The following ASTN2 variants were observed in gnomAD, a reference collection of about 807,000 sequenced individuals.
ASTN2 encodes the protein astrotactin-2.
A neutral mutation model predicts 139.8 loss-of-function variants in ASTN2; 54 were observed. The ratio of observed to expected loss-of-function variants is 0.39; its 90% CI spans 0.31 to 0.48. The LOEUF is 0.48. ASTN2 is among the 20% of genes least tolerant of loss of function. The pLI is 0.95. For missense variants in ASTN2, 1,565 were observed against 1,725.1 expected (o/e 0.91, Z 1.64); for synonymous variants, 756 against 719.5 (o/e 1.05, Z -0.81).
intron 10 of ASTN2, among the ~76,000 whole-genome samples, chr9:116,922,982 T>C (rs1402011059): frequency 6.6e-6 from 1 of 152,194 alleles, no homozygotes; most frequent in Non-Finnish European, 1.5e-5. Context: ...GTGCAGAACC[T>C]TCCACAGGCA....
chr9:116,759,321 G>A (rs1359751853), intron 13 of ASTN2, among the ~76,000 whole-genome samples: 1 of 152,152 alleles, frequency 6.6e-6, no homozygotes, highest in Non-Finnish European at 1.5e-5. Context: ...TAGAGTAAAA[G>A]CAAATAATTT....
At chr9:116,717,290 G>A (rs1031793419) in intron 16 of ASTN2, among the ~76,000 whole-genome samples, 3 of 67,988 alleles carry the variant, frequency 4.4e-5, no homozygotes, top group African/African-American at 2.0e-4. Context: ...CTAAACCGGG[G>A]AACAAATGCT....
chr9:117,386,085 T>C (rs1191328253), intron 1 of ASTN2, among the ~76,000 whole-genome samples: 1 of 152,078 alleles, frequency 6.6e-6, no homozygotes, highest in Non-Finnish European at 1.5e-5. Context: ...TAAGGTTACC[T>C]TCTTAACTGC....
At chr9:117,189,983 C>A (rs1250105490) in intron 3 of ASTN2, among the ~76,000 whole-genome samples, 1 of 152,218 alleles carries the variant, frequency 6.6e-6, no homozygotes, top group Non-Finnish European at 1.5e-5. Context: ...TTCCTGTATA[C>A]TCTGGGTTCC....
At chr9:116,686,548 T>C in intron 16 of ASTN2, 1 of 758,390 alleles carries the variant, frequency 1.3e-6, no homozygotes, top group Non-Finnish European at 2.2e-6. Flanking sequence ...CTGCAGGTCG[T>C]GGCCAGCCAG....
At chr9:117,181,728 T>G (rs990232797) in intron 3 of ASTN2, among the ~76,000 whole-genome samples, 1 of 152,150 alleles carries the variant, frequency 6.6e-6, no homozygotes, top group African/African-American at 2.4e-5. Flanking sequence ...GTGTATTAAA[T>G]AAAGAAATCC....
At chr9:117,209,295 T>G (rs900652648) in intron 3 of ASTN2, among the ~76,000 whole-genome samples, 61 of 152,054 alleles carry the variant, frequency 4.0e-4, no homozygotes, top group African/African-American at 1.4e-3. Context: ...AACTATATAC[T>G]GCCTATTAGG....
chr9:117,227,772 G>C (rs1352583213), intron 2 of ASTN2, among the ~76,000 whole-genome samples: 3 of 152,160 alleles, frequency 2.0e-5, no homozygotes, highest in Non-Finnish European at 4.4e-5. Flanking sequence ...AAGAGGAAGA[G>C]GTGGTCTGAA....
intron 5 of ASTN2, among the ~76,000 whole-genome samples, chr9:117,079,192 C>T (rs1828358737): frequency 6.6e-6 from 1 of 152,116 alleles, no homozygotes; most frequent in East Asian, 1.9e-4. Flanking sequence ...CCTGCCTCTA[C>T]AAATAATTAA....
At chr9:116,822,549 G>A (rs1048462326) in intron 11 of ASTN2, among the ~76,000 whole-genome samples, 1 of 152,080 alleles carries the variant, frequency 6.6e-6, no homozygotes, top group African/African-American at 2.4e-5. Flanking sequence ...TTGCAGACTC[G>A]CGGAGCATGT....
intron 1 of ASTN2, among the ~76,000 whole-genome samples, chr9:117,323,288 C>T (rs893736339): frequency 1.4e-4 from 22 of 152,106 alleles, no homozygotes; most frequent in Non-Finnish European, 3.1e-4. Flanking sequence ...CTCTGACCCC[C>T]CAAAGCCTCA....
chr9:116,896,430 A>T (rs1352622366), intron 10 of ASTN2, among the ~76,000 whole-genome samples: 2 of 152,080 alleles, frequency 1.3e-5, no homozygotes, highest in Non-Finnish European at 2.9e-5. Context: ...CCCAGGTTCA[A>T]GCAATCCTCC....
intron 16 of ASTN2, among the ~76,000 whole-genome samples, chr9:116,704,562 T>C (rs1269023791): frequency 2.0e-5 from 3 of 152,240 alleles, no homozygotes; most frequent in Non-Finnish European, 4.4e-5. Context: ...AATGTGTGAC[T>C]TCCATTATAG....
At chr9:117,122,540 C>T (rs905325942) in intron 4 of ASTN2, among the ~76,000 whole-genome samples, 5 of 152,152 alleles carry the variant, frequency 3.3e-5, no homozygotes, top group South Asian at 2.1e-4. Context: ...AGGACCACTG[C>T]TAAGCAATGG....
chr9:117,251,064 T>C (rs1167301599), intron 2 of ASTN2, among the ~76,000 whole-genome samples: 1 of 152,094 alleles, frequency 6.6e-6, no homozygotes, highest in African/African-American at 2.4e-5. Flanking sequence ...CGCAAATGGT[T>C]CTATGAGTGA....
chr9:116,896,064 C>T (rs1167453116), intron 10 of ASTN2, among the ~76,000 whole-genome samples: 1 of 152,148 alleles, frequency 6.6e-6, no homozygotes, highest in African/African-American at 2.4e-5. Flanking sequence ...TTGTTAAGTG[C>T]AGAAAATCAC....
rs766761255 is a variant in ASTN2 at position 116,733,427 on chromosome 9, C to T, written c.2493G>A (p.Glu831=). ...TGAGCAGTTGGAGGTCTGGAAGGGG[C>T]TCGGAGAGGACCCCCCGGCACTGCT... ...VEEQCRGVLS[E]PLPDLQLLTG... is the part of the protein sequence containing the mutation. The change falls in exon 14 of 23, where the codon GAG becomes GAA. Residue 831 remains glutamate (E), a synonymous_variant. Coordinates refer to ENST00000313400, the MANE Select transcript of ASTN2 (RefSeq NM_001365068.1). 1 of 1,614,106 alleles carries T rather than the reference C, an allele frequency of 6.2e-7. No homozygotes were observed. Among genetic ancestry groups the T allele is most frequent in the South Asian group, 1.1e-5 (1 of 91,076 alleles).
At chr9:116,875,543 G>A (rs1188072147) in intron 10 of ASTN2, among the ~76,000 whole-genome samples, 1 of 152,302 alleles carries the variant, frequency 6.6e-6, no homozygotes, top group Non-Finnish European at 1.5e-5. Flanking sequence ...AAAACATCTA[G>A]TTAACATAAT....
intron 17 of ASTN2, among the ~76,000 whole-genome samples, chr9:116,621,658 C>T (rs1856162517): frequency 6.6e-6 from 1 of 152,220 alleles, no homozygotes; most frequent in South Asian, 2.1e-4. Context: ...CCCATAAACA[C>T]TGGTCCCACC....
Sources: gnomAD v4.1 joint callset for allele counts (sites outside exome capture counted in the v4.1 genomes callset) on GRCh38, gnomAD v4.1.1 for gene constraint, MANE v1.5 for transcripts, NCBI Gene and HGNC (gene_info 2026-07-23, HGNC 2026-07-21) for gene names.